TRIO: variants seen among roughly 807,000 people sequenced by gnomAD.
TRIO encodes the protein trio Rho guanine nucleotide exchange factor.
In TRIO, 58 loss-of-function variants were observed where a neutral mutation model predicts 351.9. The observed-to-expected ratio is 0.16, with a 90% CI of 0.13 to 0.21. The LOEUF is 0.21. Ranked by LOEUF, TRIO falls within the 10% of genes least tolerant of loss-of-function variation. The pLI, the probability that TRIO is intolerant of heterozygous loss-of-function variation, is 1.00. For missense variants in TRIO, 3,201 were observed against 4,027.8 expected (o/e 0.79, Z 5.56); for synonymous variants, 1,758 against 1,595.7 (o/e 1.10, Z -2.42).
chr5:14,236,018 A>G (rs1182224209), intron 1 of TRIO, among the ~76,000 whole-genome samples: 3 of 149,008 alleles, frequency 2.0e-5, no homozygotes, highest in South Asian at 2.2e-4. Flanking sequence ...TGTAGATTCA[A>G]GCAACTCACA....
intron 31 of TRIO, among the ~76,000 whole-genome samples, chr5:14,403,158 T>G (rs1323365305): frequency 2.1e-4 from 13 of 60,808 alleles, no homozygotes; most frequent in Non-Finnish European, 2.5e-4. Flanking sequence ...TGGTGAGGGT[T>G]GTAGGTTGTG....
At chr5:14,479,456 A>T in intron 42 of TRIO, 106 bp downstream of exon 42, 1 of 951,154 alleles carries the variant, frequency 1.1e-6, no homozygotes, top group East Asian at 2.6e-5. Flanking sequence ...TTCCAAAGAA[A>T]ATTAGCCTGA....
In TRIO at chr5:14,170,338, TTTTG is replaced by T. The variant is rs140074183; in HGVS notation, c.157+26460_157+26463del. On this transcript the variant is annotated intron_variant, in intron 1 of 56. Transcript: ENST00000344204. Reference sequence around the variant, plus strand: ...ATATACTGTAGTTAGAAAGGTTTGGTTTTGTTTAAAATTGTTGTACATTTGCTTT... The same window carrying T: ...ATATACTGTAGTTAGAAAGGTTTGGTTTTAAAATTGTTGTACATTTGCTTT... Among the ~76,000 whole-genome samples, 844 of 152,306 alleles carry T rather than the reference TTTTG, an allele frequency of 5.5e-3. 5 individuals are homozygous for T. Among genetic ancestry groups the T allele is most frequent in the African/African-American group, 0.019 (793 of 41,576 alleles).
At chr5:14,296,145 C>T (rs187980801) in intron 6 of TRIO, among the ~76,000 whole-genome samples, 1 of 151,850 alleles carries the variant, frequency 6.6e-6, no homozygotes. Context: ...GGGGGAAAAA[C>T]GTAGGGAAGT....
At chr5:14,476,114 T>C (rs1755056404) in intron 40 of TRIO, among the ~76,000 whole-genome samples, 1 of 152,222 alleles carries the variant, frequency 6.6e-6, no homozygotes, top group African/African-American at 2.4e-5. Context: ...CTGGCACAGG[T>C]AACATATTTA....
intron 7 of TRIO, among the ~76,000 whole-genome samples, chr5:14,299,827 A>G (rs1016721302): frequency 1.3e-5 from 2 of 152,212 alleles, no homozygotes; most frequent in African/African-American, 4.8e-5. Flanking sequence ...ATGTGACTCC[A>G]TGGTTAATGA....
intron 34 of TRIO, among the ~76,000 whole-genome samples, chr5:14,436,916 T>C (rs995865835): frequency 6.6e-6 from 1 of 152,202 alleles, no homozygotes; most frequent in Non-Finnish European, 1.5e-5. Context: ...AGGCTCACGG[T>C]GCAAGCTGTG....
intron 1 of TRIO, among the ~76,000 whole-genome samples, chr5:14,149,719 T>G (rs2152114748): frequency 6.6e-6 from 1 of 152,244 alleles, no homozygotes; most frequent in Middle Eastern, 3.4e-3. Flanking sequence ...ATGTCTACTC[T>G]TGTCTGATGG....
intron 19 of TRIO, 142 bp from the exon 20 acceptor site, chr5:14,377,870 C>A: frequency 1.6e-6 from 1 of 634,070 alleles, no homozygotes; most frequent in Non-Finnish European, 2.8e-6. Flanking sequence ...CTCACTGAGA[C>A]AGGAAAGCAG....
chr5:14,192,934 A>G (rs1464396201), intron 1 of TRIO, among the ~76,000 whole-genome samples: 3 of 152,234 alleles, frequency 2.0e-5, no homozygotes, highest in Non-Finnish European at 4.4e-5. Context: ...AGTAAAGGAA[A>G]AATGCCATAT....
At chr5:14,445,952 G>A (rs541471364) in intron 34 of TRIO, among the ~76,000 whole-genome samples, 1 of 152,238 alleles carries the variant, frequency 6.6e-6, no homozygotes, top group Non-Finnish European at 1.5e-5. Flanking sequence ...CCCACGCAGG[G>A]GCGGTCTGCT....
intron 4 of TRIO, among the ~76,000 whole-genome samples, chr5:14,290,108 G>C (rs1007907656): frequency 1.3e-5 from 2 of 152,064 alleles, no homozygotes; most frequent in African/African-American, 4.8e-5. Context: ...TCTGTTATTT[G>C]ATGGGCAGTG....
chr5:14,265,908 C>G (rs1204214278), intron 1 of TRIO, among the ~76,000 whole-genome samples: 2 of 152,172 alleles, frequency 1.3e-5, no homozygotes, highest in Non-Finnish European at 2.9e-5. Context: ...GAAGGCTAAA[C>G]TACCTAACAT....
In TRIO at chr5:14,492,798, C is replaced by G; in HGVS notation, c.7864C>G (p.Pro2622Ala). ...CACCAGTGCAGTCATCGTGGAGAAC[C>G]CGGACGGGACTCTCAAGTGAGTGCT... is the stretch of plus-strand genomic sequence containing the variant. The part of the protein sequence containing the change: ...GHTSAVIVEN[P>A]DGTLKKSTSW... Residue 2622 changes from proline (P) to alanine (A), a missense_variant, in exon 49 of 57, where the codon CCG becomes GCG. Physicochemically the swap from Pro to Ala is conservative, Grantham distance 27. This residue lies in a region of TRIO where 1,089 missense variants were observed against 954.9 expected (regional missense o/e 1.14). Transcript: ENST00000344204. The G allele has an allele frequency of 6.2e-7, 1 of 1,613,780 alleles. No homozygotes were observed. Among genetic ancestry groups the G allele is most frequent in the Non-Finnish European group, 8.5e-7 (1 of 1,179,894 alleles).
intron 1 of TRIO, among the ~76,000 whole-genome samples, chr5:14,251,134 G>T (rs1794716841): frequency 6.6e-6 from 1 of 152,170 alleles, no homozygotes; most frequent in Non-Finnish European, 1.5e-5. Flanking sequence ...CTTGGTCCTG[G>T]CTTTCTTGGG....
intron 1 of TRIO, among the ~76,000 whole-genome samples, chr5:14,220,408 G>C (rs1792540093): frequency 6.6e-6 from 1 of 152,194 alleles, no homozygotes; most frequent in African/African-American, 2.4e-5. Context: ...AATTAGGCCA[G>C]TTAATAAATC....
chr5:14,264,844 G>C (rs1213760681), intron 1 of TRIO, among the ~76,000 whole-genome samples: 1 of 152,202 alleles, frequency 6.6e-6, no homozygotes, highest in Non-Finnish European at 1.5e-5. Context: ...GAGCGAGGGC[G>C]GTGCCTGCCA....
intron 33 of TRIO, among the ~76,000 whole-genome samples, chr5:14,410,132 G>A (rs1749072915): frequency 6.6e-6 from 1 of 152,194 alleles, no homozygotes; most frequent in African/African-American, 2.4e-5. Context: ...ACCACAGCGG[G>A]TGTCTTACTC....
At chr5:14,394,000 C>A (rs1354853438) in intron 27 of TRIO, 38 bp from the exon 28 acceptor site, 1 of 1,422,460 alleles carries the variant, frequency 7.0e-7, no homozygotes, top group South Asian at 1.2e-5. Flanking sequence ...TAGTGTAGCC[C>A]TATGATAACT....
Sources: allele counts gnomAD v4.1 joint callset (sites outside exome capture counted in the v4.1 genomes callset), GRCh38; gene constraint gnomAD v4.1.1; regional missense constraint gnomAD v4.1.1; transcripts MANE v1.5; gene names NCBI Gene and HGNC (gene_info 2026-07-23, HGNC 2026-07-21).